Variants in MTHFD1L observed in about 807,000 individuals in gnomAD.
MTHFD1L encodes the protein methylenetetrahydrofolate dehydrogenase (NADP+ dependent) 1 like.
A neutral mutation model predicts 119.5 loss-of-function variants in MTHFD1L; 81 were observed. The ratio of observed to expected loss-of-function variants is 0.68; its 90% CI spans 0.57 to 0.82. The LOEUF (loss-of-function observed/expected upper bound fraction) is 0.82, where lower values mean the gene tolerates loss of function less well. Ranked by LOEUF, MTHFD1L falls within the 40% of genes least tolerant of loss-of-function variation. MTHFD1L has a pLI of 0.00. For missense variants in MTHFD1L, 1,125 were observed against 1,253.4 expected (o/e 0.90, Z 1.55); for synonymous variants, 430 against 475.2 (o/e 0.90, Z 1.24).
At position 150,976,125 on chromosome 6, in the gene MTHFD1L, C is replaced by G. The variant is rs1208959583; in HGVS notation, c.2125+4067C>G. 2.0e-5 allele frequency among the ~76,000 whole-genome samples: 3 copies of G among 152,228 alleles called. No individual in the cohort carries two copies. The South Asian group carries it at 6.2e-4, about 32-fold the overall frequency. On this transcript the variant is annotated intron_variant, in intron 20 of 27. Transcript: ENST00000367321. ...TGAGGCAGGAGAATCGCTTGAACCC[C>G]AGGAGGCAGAGGTTGCAGTGAGCTG...
At chr6:150,997,860 T>C (rs1245973954) in intron 20 of MTHFD1L, among the ~76,000 whole-genome samples, 3 of 152,236 alleles carry the variant, frequency 2.0e-5, no homozygotes, top group African/African-American at 7.2e-5. Context: ...GTACCAAAAC[T>C]GAGCAGATTC....
At chr6:150,897,866 CAG>C (rs758455318) in intron 7 of MTHFD1L, among the ~76,000 whole-genome samples, 2 of 152,262 alleles carry the variant, frequency 1.3e-5, no homozygotes, top group South Asian at 4.1e-4. Flanking sequence ...TTTTTTGAGA[CAG>C]AGTTTTGCTC....
At chr6:151,075,972 C>T (rs1792456630) in intron 26 of MTHFD1L, among the ~76,000 whole-genome samples, 1 of 152,114 alleles carries the variant, frequency 6.6e-6, no homozygotes, top group Non-Finnish European at 1.5e-5. Flanking sequence ...ACATATTTCA[C>T]CCAAGAAAAT....
chr6:150,974,543 A>T (rs1301790479), intron 20 of MTHFD1L, among the ~76,000 whole-genome samples: 1 of 152,106 alleles, frequency 6.6e-6, no homozygotes, highest in Admixed American at 6.5e-5. Flanking sequence ...TGCCCATTAA[A>T]TATTCCTCAT....
At chr6:151,002,771 T>C (rs1198862234) in intron 20 of MTHFD1L, among the ~76,000 whole-genome samples, 1 of 152,194 alleles carries the variant, frequency 6.6e-6, no homozygotes, top group Non-Finnish European at 1.5e-5. Flanking sequence ...TAGCATGTAG[T>C]GCATTCGTAA....
intron 11 of MTHFD1L, among the ~76,000 whole-genome samples, chr6:150,931,464 G>C (rs756956148): frequency 6.6e-6 from 1 of 152,050 alleles, no homozygotes; most frequent in African/African-American, 2.4e-5. Context: ...CAAAACAGAG[G>C]TATTTAGAAG....
intron 20 of MTHFD1L, among the ~76,000 whole-genome samples, chr6:151,005,900 G>A (rs1176258007): frequency 1.3e-5 from 2 of 151,954 alleles, no homozygotes; most frequent in East Asian, 1.9e-4. Context: ...TTGTAGTATT[G>A]TAAGAAAAAA....
intron 19 of MTHFD1L, among the ~76,000 whole-genome samples, chr6:150,966,621 C>T (rs75095529): frequency 0.014 from 2,128 of 152,180 alleles, 21 homozygotes; most frequent in South Asian, 0.036. Context: ...TCAGGAACCT[C>T]GAGACCAGCC....
intron 7 of MTHFD1L, among the ~76,000 whole-genome samples, chr6:150,889,348 G>C (rs940078329): frequency 2.0e-5 from 3 of 152,152 alleles, no homozygotes; most frequent in South Asian, 2.1e-4. Context: ...AAATATAGGC[G>C]TATGCATTTA....
intron 26 of MTHFD1L, chr6:151,041,753 G>T (rs771106266): frequency 2.0e-5 from 9 of 447,940 alleles, no homozygotes; most frequent in South Asian, 1.3e-4. Flanking sequence ...AAGGCAGAAA[G>T]CCCCTCTTGT....
At chr6:150,971,391 G>A (rs1184362141) in intron 19 of MTHFD1L, among the ~76,000 whole-genome samples, 6 of 151,928 alleles carry the variant, frequency 3.9e-5, no homozygotes, top group Non-Finnish European at 7.4e-5. Context: ...TAGTAGAGAC[G>A]GGTTTCACTG....
intron 7 of MTHFD1L, among the ~76,000 whole-genome samples, chr6:150,888,182 C>A (rs775277161): frequency 6.6e-6 from 1 of 152,156 alleles, no homozygotes; most frequent in Admixed American, 6.5e-5. Flanking sequence ...CAAATGAGCT[C>A]TATCAAACAA....
intron 7 of MTHFD1L, among the ~76,000 whole-genome samples, chr6:150,890,196 G>GTATA (rs143638057): frequency 7.3e-5 from 11 of 150,758 alleles, no homozygotes; most frequent in Non-Finnish European, 1.5e-4. Context: ...ATGTGTGTGT[G>GTATA]TATATATATA....
chr6:150,929,176 G>A (rs1162990539), intron 11 of MTHFD1L, among the ~76,000 whole-genome samples: 2 of 152,212 alleles, frequency 1.3e-5, no homozygotes, highest in Admixed American at 6.5e-5. Flanking sequence ...GCACAGTTTA[G>A]TCAGGGTTGT....
At chr6:151,017,509 G>T (rs1423972442) in intron 24 of MTHFD1L, among the ~76,000 whole-genome samples, 5 of 152,006 alleles carry the variant, frequency 3.3e-5, no homozygotes, top group Non-Finnish European at 7.4e-5. Flanking sequence ...ACCACGCCCA[G>T]CTAATTTTTG....
chr6:151,004,733 A>T lies in MTHFD1L; in HGVS notation c.2126-5086A>T, dbSNP rs796998573. On this transcript the variant is annotated intron_variant, in intron 20 of 27. Coordinates refer to ENST00000367321, the MANE Select transcript of MTHFD1L (RefSeq NM_015440.5). ...CTGATTACGGGTTTAAGTTTGAATC[A>T]AACCATGCTATAGAATCACTATCTA... Among the ~76,000 whole-genome samples, 9 of 152,346 alleles carry T rather than the reference A, an allele frequency of 5.9e-5. 1 individual carries two copies. The highest frequency in any genetic ancestry group is 1.9e-4 in the African/African-American group (8 of 41,578).
chr6:151,008,549 C>T (rs568306214), intron 20 of MTHFD1L, among the ~76,000 whole-genome samples: 38 of 152,162 alleles, frequency 2.5e-4, no homozygotes, highest in Middle Eastern at 3.4e-3. Flanking sequence ...CTGTTGATCA[C>T]GAATCACGCA....
chr6:150,945,477 A>G lies in MTHFD1L; in HGVS notation c.1559A>G (p.Asn520Ser), dbSNP rs780943292. Residue 520 changes from asparagine (N) to serine (S), a missense_variant, in exon 15 of 28, where the codon AAT (asparagine) becomes AGT (serine). Asn to Ser is a conservative substitution (Grantham distance 46). This residue lies in a region of MTHFD1L where 1,058 missense variants were observed against 1,151.2 expected (regional missense o/e 0.92). Coordinates refer to ENST00000367321, the MANE Select transcript of MTHFD1L (RefSeq NM_015440.5). ...ENTQTDKALY[N>S]RLVPLVNGVR... is the part of the protein sequence containing the mutation. ...GTTTTGTGTTTTTAGGCTCTGTATAATCGGCTGGTTCCTTTAGTGAATGGT... is the reference window on the plus strand; with the variant it reads ...GTTTTGTGTTTTTAGGCTCTGTATAGTCGGCTGGTTCCTTTAGTGAATGGT... 6 of 1,613,676 alleles carry G rather than the reference A, an allele frequency of 3.7e-6. No individual in the cohort carries two copies. In the East Asian group the frequency reaches 6.7e-5, roughly 18 times the overall value.
At chr6:150,996,481 C>T (rs1204731228) in intron 20 of MTHFD1L, among the ~76,000 whole-genome samples, 2 of 152,132 alleles carry the variant, frequency 1.3e-5, no homozygotes, top group Non-Finnish European at 2.9e-5. Flanking sequence ...TGTCACCATT[C>T]TTAACATCAG....
Sources: allele counts gnomAD v4.1 joint callset (sites outside exome capture counted in the v4.1 genomes callset), GRCh38; gene constraint gnomAD v4.1.1; regional missense constraint gnomAD v4.1.1; transcripts MANE v1.5; gene names NCBI Gene and HGNC (gene_info 2026-07-23, HGNC 2026-07-21).